Variants in EIF4G3 observed in about 807,000 individuals in gnomAD.
EIF4G3 encodes the protein eukaryotic translation initiation factor 4 gamma 3.
In EIF4G3, 34 loss-of-function variants were observed where a neutral mutation model predicts 186.4. The observed-to-expected ratio is 0.18, with a 90% CI of 0.14 to 0.24. EIF4G3 has a LOEUF of 0.24. EIF4G3 is among the 10% of genes least tolerant of loss of function. The pLI, the probability that EIF4G3 is intolerant of heterozygous loss-of-function variation, is 1.00. For missense variants in EIF4G3, 1,536 were observed against 1,948.5 expected, an observed-to-expected ratio of 0.79 and a Z score of 3.99; for synonymous variants, 673 against 679.5, an observed-to-expected ratio of 0.99 and a Z score of 0.15.
chr1:20,864,794 T>G (rs536026586), intron 21 of EIF4G3, 82 bp from the exon 22 acceptor site: 18 of 1,161,462 alleles, frequency 1.5e-5, no homozygotes, highest in Non-Finnish European at 1.3e-6. Flanking sequence ...GGGGTCAGAA[T>G]CCCCGTGAGA....
chr1:21,149,874 A>T (rs1218306294), intron 2 of EIF4G3, among the ~76,000 whole-genome samples: 1 of 152,250 alleles, frequency 6.6e-6, no homozygotes, highest in Non-Finnish European at 1.5e-5. Flanking sequence ...TCATCAACTG[A>T]CACAGACAGG....
chr1:20,986,050 T>A (rs1034374217), intron 7 of EIF4G3, among the ~76,000 whole-genome samples: 1 of 152,156 alleles, frequency 6.6e-6, no homozygotes, highest in Non-Finnish European at 1.5e-5. Flanking sequence ...CACACCACTA[T>A]TTTTTGTTTC....
At chr1:21,001,557 A>T (rs1382678355) in intron 5 of EIF4G3, among the ~76,000 whole-genome samples, 1 of 152,160 alleles carries the variant, frequency 6.6e-6, no homozygotes, top group Admixed American at 6.5e-5. Flanking sequence ...AAGTGTACAC[A>T]TCCCCAAACC....
chr1:20,960,614 A>T (rs914849151), intron 12 of EIF4G3, among the ~76,000 whole-genome samples: 1 of 152,072 alleles, frequency 6.6e-6, no homozygotes. Context: ...TTAGCCAGGC[A>T]TGGTGGCATG....
chr1:20,931,005 A>C (rs2154561126), intron 14 of EIF4G3, among the ~76,000 whole-genome samples: 1 of 151,758 alleles, frequency 6.6e-6, no homozygotes, highest in East Asian at 1.9e-4. Flanking sequence ...TGCACCCACA[A>C]ATGTTTTTAA....
intron 3 of EIF4G3, among the ~76,000 whole-genome samples, chr1:21,083,378 C>A (rs1439156220): frequency 6.6e-6 from 1 of 152,022 alleles, no homozygotes; most frequent in African/African-American, 2.4e-5. Context: ...CGGTTTCACT[C>A]TGTCGCCCAG....
rs142334174 is a variant in EIF4G3, at chr1:21,169,373, G to A, written c.-272+6802C>T. On this transcript the variant is annotated intron_variant, in intron 2 of 36. Coordinates refer to ENST00000602326, the MANE Select transcript of EIF4G3 (RefSeq NM_001391906.1). ...GGCTGAGGCAGAATTGTTTGAACCC[G>A]GGAGGCAGAGGTTGCAGTGACCCAA... Among the ~76,000 whole-genome samples the A allele has an allele frequency of 4.1e-3, 617 of 152,070 alleles. 6 individuals carry two copies. The highest frequency in any genetic ancestry group is 0.014 in the African/African-American group (589 of 41,454).
intron 36 of EIF4G3, among the ~76,000 whole-genome samples, chr1:20,809,815 A>G (rs1220551830): frequency 1.3e-5 from 2 of 152,218 alleles, no homozygotes; most frequent in African/African-American, 4.8e-5. Context: ...TTAAGTATAG[A>G]ATTGCCACAT....
At chr1:21,085,781 C>T (rs2095949196) in intron 3 of EIF4G3, among the ~76,000 whole-genome samples, 1 of 152,100 alleles carries the variant, frequency 6.6e-6, no homozygotes. Context: ...GCAACCTCTG[C>T]CTCCTGGATT....
At chr1:20,910,322 C>T (rs797007037) in intron 14 of EIF4G3, among the ~76,000 whole-genome samples, 3 of 152,148 alleles carry the variant, frequency 2.0e-5, no homozygotes, top group African/African-American at 7.2e-5. Context: ...ATGGTGGCTC[C>T]CGCCTGGAAT....
intron 3 of EIF4G3, among the ~76,000 whole-genome samples, chr1:21,068,232 G>T (rs1225337496): frequency 6.6e-6 from 1 of 151,286 alleles, no homozygotes; most frequent in Non-Finnish European, 1.5e-5. Flanking sequence ...AAATTAGCCG[G>T]GCATAAGGCA....
chr1:20,998,511 G>C (rs554023998), intron 6 of EIF4G3, among the ~76,000 whole-genome samples: 23 of 152,166 alleles, frequency 1.5e-4, no homozygotes, highest in African/African-American at 4.8e-4. Context: ...CTTGAAAGTG[G>C]CTAATATATA....
At chr1:20,998,877 T>G (rs1239821186) in intron 6 of EIF4G3, 1 of 412,290 alleles carries the variant, frequency 2.4e-6, no homozygotes, top group Non-Finnish European at 4.9e-6. Flanking sequence ...CAAAAATATA[T>G]GTCTTTGGCT....
intron 4 of EIF4G3, among the ~76,000 whole-genome samples, chr1:21,024,281 C>T (rs2091631694): frequency 6.6e-6 from 1 of 151,638 alleles, no homozygotes; most frequent in Admixed American, 6.6e-5. Context: ...CTCTGCCCGG[C>T]CGCCCCTACT....
intron 2 of EIF4G3, among the ~76,000 whole-genome samples, chr1:21,143,684 C>T (rs530583368): frequency 2.0e-5 from 3 of 151,996 alleles, no homozygotes; most frequent in Non-Finnish European, 4.4e-5. Flanking sequence ...TTTGGGAGGC[C>T]GAGGTGGGCA....
intron 12 of EIF4G3, among the ~76,000 whole-genome samples, chr1:20,969,066 T>C (rs1276840207): frequency 6.6e-6 from 1 of 152,230 alleles, no homozygotes; most frequent in Admixed American, 6.5e-5. Flanking sequence ...CAAGCAACAC[T>C]GTTTGGTAAA....
At chr1:21,077,141 T>C (rs1033096988) in intron 3 of EIF4G3, among the ~76,000 whole-genome samples, 1 of 152,142 alleles carries the variant, frequency 6.6e-6, no homozygotes, top group African/African-American at 2.4e-5. Context: ...GGCAGTGATC[T>C]GTAATCCCAC....
chr1:20,929,341 ATG>A, intron 14 of EIF4G3: 1 of 152,310 alleles, frequency 6.6e-6, no homozygotes, highest in African/African-American at 2.4e-5. Flanking sequence ...TCACCTTGAG[ATG>A]TGTCTACTGT....
chr1:20,931,621 T>G (rs975941797), intron 14 of EIF4G3, among the ~76,000 whole-genome samples: 2 of 152,296 alleles, frequency 1.3e-5, no homozygotes, highest in East Asian at 3.9e-4. Flanking sequence ...TCCCCTTCTC[T>G]TTCACTGTGA....
Sources: gnomAD v4.1 joint callset for allele counts (sites outside exome capture counted in the v4.1 genomes callset) on GRCh38, gnomAD v4.1.1 for gene constraint, MANE v1.5 for transcripts, NCBI Gene and HGNC (gene_info 2026-07-23, HGNC 2026-07-21) for gene names.